DEPDC5: variants seen among roughly 807,000 people sequenced by gnomAD.
DEPDC5 encodes the protein GATOR1 complex protein DEPDC5.
A neutral mutation model predicts 217.3 loss-of-function variants in DEPDC5; 73 were observed. The ratio of observed to expected loss-of-function variants is 0.34; its 90% CI spans 0.28 to 0.41. DEPDC5 has a LOEUF of 0.41. Ranked by LOEUF, DEPDC5 falls within the 10% of genes least tolerant of loss-of-function variation. DEPDC5 has a pLI of 1.00. For missense variants in DEPDC5, 1,675 were observed against 2,070.1 expected (o/e 0.81, Z 3.70); for synonymous variants, 733 against 756.7 (o/e 0.97, Z 0.51).
chr22:31,811,522 T>C (rs1173330202), intron 20 of DEPDC5, among the ~76,000 whole-genome samples: 1 of 152,054 alleles, frequency 6.6e-6, no homozygotes, highest in Non-Finnish European at 1.5e-5. Context: ...TTTAAAAATT[T>C]GCTCTGTGGT....
intron 33 of DEPDC5, among the ~76,000 whole-genome samples, chr22:31,862,256 A>G (rs1331238939): frequency 6.7e-6 from 1 of 150,240 alleles, no homozygotes; most frequent in Admixed American, 6.7e-5. Flanking sequence ...AAATAAATAA[A>G]TAAATAAAAA....
intron 33 of DEPDC5, among the ~76,000 whole-genome samples, chr22:31,866,981 A>G (rs998721699): frequency 2.6e-5 from 4 of 152,210 alleles, no homozygotes; most frequent in African/African-American, 9.7e-5. Flanking sequence ...TTCCTTTTTT[A>G]TACTCCATTT....
chr22:31,754,966 C>T lies in DEPDC5; in HGVS notation c.45C>T (p.Gly15=), dbSNP rs373199155. Residue 15 remains glycine, a synonymous_variant, in exon 2 of 43, where the codon GGC becomes GGT. Coordinates refer to ENST00000651528, the MANE Select transcript of DEPDC5 (RefSeq NM_001242896.3). ...KVYKLVIHKK[G]FGGSDDELVV... is the part of the protein sequence containing the mutation. Reference sequence around the variant, plus strand: ...ACAAACTCGTCATCCACAAGAAGGGCTTTGGGGGCAGTGGTCAGTATCGAT... The same window carrying T: ...ACAAACTCGTCATCCACAAGAAGGGTTTTGGGGGCAGTGGTCAGTATCGAT... The T allele has an allele frequency of 3.7e-6, 6 of 1,614,052 alleles. No individual in the cohort carries two copies. In the African/African-American group the frequency reaches 8.0e-5, roughly 22 times the overall value.
intron 10 of DEPDC5, among the ~76,000 whole-genome samples, chr22:31,787,100 T>G (rs2058313862): frequency 6.6e-6 from 1 of 151,648 alleles, no homozygotes; most frequent in Non-Finnish European, 1.5e-5. Context: ...TATAATTTTT[T>G]TTTTTGAGAC....
Position 31,815,150 on chromosome 22 carries a change from T to C in DEPDC5, c.1604T>C (p.Ile535Thr), listed in dbSNP as rs1171016858. ...SLGKSANILM[I>T]PHPHLHQYEV... ...GGCAAGAGTGCCAACATCCTGATGA[T>C]CCCACACCCCCACCTGCACCAGTAT... The change falls in exon 21 of 43, where the codon ATC becomes ACC. Residue 535 changes from isoleucine (I) to threonine (T), a missense_variant. Around this residue, in one of 11 missense-constraint regions of DEPDC5, gnomAD observed 628 missense variants for 762.1 expected, o/e 0.82. Coordinates refer to ENST00000651528, the MANE Select transcript of DEPDC5 (RefSeq NM_001242896.3). 9 of 1,614,034 alleles carry C rather than the reference T, an allele frequency of 5.6e-6. No homozygotes were observed. The highest frequency in any genetic ancestry group is 7.6e-6 in the Non-Finnish European group (9 of 1,180,036).
At chr22:31,770,985 G>A (rs2083302966) in intron 7 of DEPDC5, among the ~76,000 whole-genome samples, 1 of 151,940 alleles carries the variant, frequency 6.6e-6, no homozygotes, top group Non-Finnish European at 1.5e-5. Flanking sequence ...GTTTCACCAT[G>A]TTGGCCAGGC....
In DEPDC5 at chr22:31,831,707, C is replaced by T. The variant is rs565042406; in HGVS notation, c.2105-2208C>T. ...AACTTCTGACCTTCAGTGATCCCCC[C>T]GCCTCGGCCTCCCAAAGGGTTGAGA... On this transcript the variant is annotated intron_variant, in intron 24 of 42. Coordinates refer to ENST00000651528, the MANE Select transcript of DEPDC5 (RefSeq NM_001242896.3). 3.0e-4 allele frequency among the ~76,000 whole-genome samples: 45 copies of T among 152,258 alleles called. No individual in the cohort carries two copies. In the South Asian group the frequency reaches 4.4e-3, roughly 15 times the overall value.
intron 1 of DEPDC5, 71 bp from the exon 2 acceptor site, chr22:31,754,791 G>A (rs1427223733): frequency 6.0e-6 from 6 of 1,005,372 alleles, no homozygotes; most frequent in South Asian, 2.9e-5. Flanking sequence ...ATCTTCACTG[G>A]CCTAAAATCA....
intron 3 of DEPDC5, 65 bp downstream of exon 3, chr22:31,758,698 A>G (rs1354494413): frequency 1.8e-5 from 26 of 1,460,794 alleles, no homozygotes; most frequent in Non-Finnish European, 2.3e-5. Context: ...TCCAAGGCAG[A>G]TAGCTCTCTT....
rs1239204642 is a variant in DEPDC5 at position 31,792,016 on chromosome 22, T to C, written c.625-17T>C. On this transcript the variant is annotated splice_polypyrimidine_tract_variant and intron_variant, in intron 10 of 42. Coordinates refer to ENST00000651528, the MANE Select transcript of DEPDC5 (RefSeq NM_001242896.3). ...ATGAAACAAACTTCAACCCTGTTGTTCTCTACTCATGCTTAGGAGAAGAAC... is the reference window on the plus strand; with the variant it reads ...ATGAAACAAACTTCAACCCTGTTGTCCTCTACTCATGCTTAGGAGAAGAAC... 1.9e-6 allele frequency: 3 copies of C among 1,594,926 alleles called. No homozygotes were observed. Among genetic ancestry groups the C allele is most frequent in the Non-Finnish European group, 2.6e-6 (3 of 1,163,768 alleles).
intron 31 of DEPDC5, among the ~76,000 whole-genome samples, chr22:31,851,391 G>A (rs906117415): frequency 6.6e-6 from 1 of 152,198 alleles, no homozygotes; most frequent in Non-Finnish European, 1.5e-5. Context: ...ATGGGGGTGG[G>A]TGAGACTTGA....
intron 38 of DEPDC5, among the ~76,000 whole-genome samples, chr22:31,889,729 C>T (rs559080560): frequency 2.0e-5 from 3 of 151,740 alleles, no homozygotes; most frequent in Admixed American, 2.0e-4. Context: ...TTAGTAGAGA[C>T]GGGTTTCACC....
At chr22:31,771,715 T>TCTCACACA (rs1556538892) in intron 7 of DEPDC5, among the ~76,000 whole-genome samples, 1 of 78,050 alleles carries the variant, frequency 1.3e-5, no homozygotes, top group Non-Finnish European at 2.4e-5. Context: ...CAAGACTCCG[T>TCTCACACA]CACACACACA....
At chr22:31,845,720 AT>A (rs1028988621) in intron 30 of DEPDC5, among the ~76,000 whole-genome samples, 7 of 151,638 alleles carry the variant, frequency 4.6e-5, no homozygotes, top group Non-Finnish European at 1.0e-4. Context: ...GGGATTCAGC[AT>A]TTTTTTTAAA....
At chr22:31,904,554 C>A (rs569741115) in intron 41 of DEPDC5, among the ~76,000 whole-genome samples, 2 of 152,184 alleles carry the variant, frequency 1.3e-5, no homozygotes, top group African/African-American at 4.8e-5. Flanking sequence ...ACCAGCCTGG[C>A]CAAAATGGTG....
chr22:31,792,457 T>C (rs2085772849), intron 11 of DEPDC5, among the ~76,000 whole-genome samples: 1 of 151,496 alleles, frequency 6.6e-6, no homozygotes, highest in Admixed American at 6.6e-5. Flanking sequence ...AATACAAAAA[T>C]TAGCCAGGTG....
rs2148801169 is a variant in DEPDC5 at position 31,819,032 on chromosome 22, G to A, written c.1677G>A (p.Glu559=). ...LGYTSTRDVL[E]NMMEPPQRDS... ...CATGATAACTGGCAGATGTCCTGGA[G>A]AACATGATGGAGCCACCACAGCGAG... Residue 559 remains glutamate (E), a synonymous_variant, in exon 22 of 43, where the codon GAG becomes GAA. Transcript: ENST00000651528. The A allele has an allele frequency of 6.2e-7, 1 of 1,614,180 alleles. No homozygotes were observed. The highest frequency in any genetic ancestry group is 8.5e-7 in the Non-Finnish European group (1 of 1,180,034).
chr22:31,840,640 A>G (rs2091335351), intron 27 of DEPDC5, among the ~76,000 whole-genome samples: 1 of 152,236 alleles, frequency 6.6e-6, no homozygotes, highest in Non-Finnish European at 1.5e-5. Context: ...TTAGTTGGCC[A>G]GAGGCTGCTT....
chr22:31,870,870 C>A, intron 34 of DEPDC5, 126 bp downstream of exon 34: 1 of 1,112,998 alleles, frequency 9.0e-7, no homozygotes. Flanking sequence ...ACATGCGACC[C>A]TGGGCAAGTT....
Sources: allele counts gnomAD v4.1 joint callset (sites outside exome capture counted in the v4.1 genomes callset), GRCh38; gene constraint gnomAD v4.1.1; regional missense constraint gnomAD v4.1.1; transcripts MANE v1.5; gene names NCBI Gene and HGNC (gene_info 2026-07-23, HGNC 2026-07-21).